SPATA6: variants seen among roughly 807,000 people sequenced by gnomAD.
SPATA6 encodes the protein spermatogenesis associated 6, also known as spermatogenesis-associated protein 6.
SPATA6 carries 56 observed loss-of-function variants against 65.3 expected under a neutral mutation model. The ratio of observed to expected loss-of-function variants is 0.86; its 90% confidence interval spans 0.69 to 1.07. SPATA6 has a LOEUF of 1.07. Ranked by LOEUF, SPATA6 falls within the 50% of genes least tolerant of loss-of-function variation. SPATA6 has a pLI of 0.00. For synonymous variants in SPATA6, 199 were observed against 213.2 expected (o/e 0.93, Z 0.58); for missense variants, 590 against 594.8 (o/e 0.99, Z 0.08).
the SPATA6 span, among the ~76,000 whole-genome samples, chr1:48,281,703 G>A: frequency 2.0e-5 from 3 of 151,716 alleles, no homozygotes; most frequent in Non-Finnish European, 4.4e-5. Context: ...ACAAATGGAA[G>A]AACATTCCAT....
chr1:48,335,805 G>C (rs1646043909), intron 11 of SPATA6, among the ~76,000 whole-genome samples: 1 of 151,952 alleles, frequency 6.6e-6, no homozygotes, highest in African/African-American at 2.4e-5. Context: ...AATGAAAGAG[G>C]TTTTGCACAG....
At chr1:48,313,758 TAA>T (rs751703366) in intron 11 of SPATA6, among the ~76,000 whole-genome samples, 44 of 152,006 alleles carry the variant, frequency 2.9e-4, no homozygotes, top group Non-Finnish European at 5.3e-4. Flanking sequence ...GCAAACTGGA[TAA>T]AGAGTCAAGA....
intron 3 of SPATA6, among the ~76,000 whole-genome samples, chr1:48,425,928 C>A (rs1345896233): frequency 2.7e-5 from 4 of 150,030 alleles, no homozygotes; most frequent in Middle Eastern, 3.5e-3. Context: ...GAAAAAAAAA[C>A]AAGCAGTAGG....
intron 1 of SPATA6, among the ~76,000 whole-genome samples, chr1:48,463,178 C>T (rs182134244): frequency 1.8e-4 from 27 of 152,136 alleles, no homozygotes; most frequent in Admixed American, 1.2e-3. Flanking sequence ...ACTGCAAAGC[C>T]GTCATCAAGT....
chr1:48,355,332 G>A (rs1371678550), intron 11 of SPATA6: 2 of 168,984 alleles, frequency 1.2e-5, no homozygotes, highest in African/African-American at 4.8e-5. Flanking sequence ...TGCAGTAGAT[G>A]AAATTGCTTT....
chr1:48,320,550 T>C (rs574333446), intron 11 of SPATA6, among the ~76,000 whole-genome samples: 2 of 152,256 alleles, frequency 1.3e-5, no homozygotes, highest in African/African-American at 2.4e-5. Context: ...AAATAAAGAC[T>C]TTCCCAGACA....
At chr1:48,339,324 C>T (rs1281801664) in intron 11 of SPATA6, among the ~76,000 whole-genome samples, 5 of 151,898 alleles carry the variant, frequency 3.3e-5, no homozygotes, top group East Asian at 1.9e-4. Flanking sequence ...TAGCCTTTGA[C>T]GCTACCTGCC....
chr1:48,402,922 T>C (rs932368799), intron 6 of SPATA6, among the ~76,000 whole-genome samples: 1 of 152,164 alleles, frequency 6.6e-6, no homozygotes, highest in Non-Finnish European at 1.5e-5. Context: ...TGCACACCTG[T>C]AATCCCAGAA....
rs372709132 is a variant in SPATA6 at position 48,388,817 on chromosome 1, T to C, written c.869-3468A>G. Among the ~76,000 whole-genome samples, 15 of 152,150 alleles carry C rather than the reference T, an allele frequency of 9.9e-5. 1 individual carries two copies. The East Asian group carries it at 1.7e-3, about 18-fold the overall frequency. ...TCCGCCTCCTGGGTTCAAGCGCTTC[T>C]CCTGCCTCAGTCTCCAGAGTAGCTG... On this transcript the variant is annotated intron_variant, in intron 8 of 12. Transcript: ENST00000371847.
At chr1:48,284,620 G>A in the SPATA6 span, among the ~76,000 whole-genome samples, 3 of 152,108 alleles carry the variant, frequency 2.0e-5, no homozygotes, top group Admixed American at 6.5e-5. Flanking sequence ...TTTCTGTGTG[G>A]ACATCCTTTT....
chr1:48,413,044 AAT>A (rs1156633327), intron 4 of SPATA6, 64 bp downstream of exon 4: 12 of 455,774 alleles, frequency 2.6e-5, no homozygotes, highest in Non-Finnish European at 4.1e-5. Flanking sequence ...ATCAATATAT[AAT>A]ATATTATATA....
At position 48,329,747 on chromosome 1, in the gene SPATA6, G is replaced by A. The variant is rs551372553; in HGVS notation, c.1195-23869C>T. On this transcript the variant is annotated intron_variant, in intron 11 of 12. Coordinates refer to ENST00000371847, the MANE Select transcript of SPATA6 (RefSeq NM_019073.4). ...AACACAGAGAGCACAAAGGAGTAAAGTTGGGCACCGCCCATCTGAGCTCAG... is the reference window on the plus strand; with the variant it reads ...AACACAGAGAGCACAAAGGAGTAAAATTGGGCACCGCCCATCTGAGCTCAG... Among the ~76,000 whole-genome samples the A allele has an allele frequency of 1.6e-4, 25 of 152,292 alleles. 1 individual carries two copies. In the East Asian group the frequency reaches 2.7e-3, roughly 16 times the overall value.
intron 11 of SPATA6, among the ~76,000 whole-genome samples, chr1:48,342,836 A>G (rs1243398121): frequency 6.6e-6 from 1 of 152,118 alleles, no homozygotes; most frequent in Non-Finnish European, 1.5e-5. Flanking sequence ...ATTTAGAATA[A>G]AAGCAGACTA....
At chr1:48,315,901 C>A (rs1645400149) in intron 11 of SPATA6, among the ~76,000 whole-genome samples, 1 of 152,086 alleles carries the variant, frequency 6.6e-6, no homozygotes, top group Non-Finnish European at 1.5e-5. Context: ...CAAGAACAAA[C>A]AGAGAGCCAA....
chr1:48,283,126 T>C, the SPATA6 span, among the ~76,000 whole-genome samples: 1 of 134,936 alleles, frequency 7.4e-6, no homozygotes, highest in Non-Finnish European at 1.5e-5. Context: ...AGGTGGGAAT[T>C]GAACAATGAG....
chr1:48,311,476 A>T (rs1416450118), intron 11 of SPATA6, among the ~76,000 whole-genome samples: 1 of 152,188 alleles, frequency 6.6e-6, no homozygotes, highest in Non-Finnish European at 1.5e-5. Context: ...AAATTACTAG[A>T]AAGATAAAAA....
chr1:48,406,289 G>T (rs1228810582), intron 5 of SPATA6, among the ~76,000 whole-genome samples: 1 of 152,008 alleles, frequency 6.6e-6, no homozygotes, highest in Non-Finnish European at 1.5e-5. Flanking sequence ...TCCTCTTCAG[G>T]TCTTCAATTT....
intron 11 of SPATA6, among the ~76,000 whole-genome samples, chr1:48,314,746 T>A (rs1368140173): frequency 2.0e-5 from 3 of 151,944 alleles, no homozygotes; most frequent in African/African-American, 7.3e-5. Context: ...AATCAATGAA[T>A]CCAGGAGCTG....
At chr1:48,432,624 A>G (rs1353391370) in intron 3 of SPATA6, among the ~76,000 whole-genome samples, 1 of 152,232 alleles carries the variant, frequency 6.6e-6, no homozygotes, top group Non-Finnish European at 1.5e-5. Context: ...AAAACAACAG[A>G]AAACAACAAG....
Sources: gnomAD v4.1 joint callset for allele counts (sites outside exome capture counted in the v4.1 genomes callset) on GRCh38, gnomAD v4.1.1 for gene constraint, MANE v1.5 for transcripts, NCBI Gene and HGNC (gene_info 2026-07-23, HGNC 2026-07-21) for gene names.